The following PCSK5 variants were observed in gnomAD, a reference collection of about 807,000 sequenced individuals.
PCSK5 encodes the protein prohormone convertase 5.
A neutral mutation model predicts 233.2 loss-of-function variants in PCSK5; 129 were observed. The ratio of observed to expected loss-of-function variants is 0.55; its 90% CI spans 0.48 to 0.64. The LOEUF is 0.64. Ranked by LOEUF, PCSK5 falls within the 30% of genes least tolerant of loss-of-function variation. The pLI, the probability that PCSK5 is intolerant of heterozygous loss-of-function variation, is 0.00. For synonymous variants in PCSK5, 825 were observed against 879.2 expected (o/e 0.94, Z 1.09); for missense variants, 2,076 against 2,430.1 (o/e 0.85, Z 3.06).
intron 5 of PCSK5, among the ~76,000 whole-genome samples, chr9:76,036,019 T>C (rs1372024296): frequency 6.6e-6 from 1 of 152,022 alleles, no homozygotes; most frequent in Non-Finnish European, 1.5e-5. Flanking sequence ...CAGAAGAGCA[T>C]GCTGAAAAAA....
intron 24 of PCSK5, among the ~76,000 whole-genome samples, chr9:76,291,788 G>A (rs1828285390): frequency 6.6e-6 from 1 of 152,142 alleles, no homozygotes; most frequent in African/African-American, 2.4e-5. Context: ...TCGAAGGAGT[G>A]CCCCAAATGA....
intron 30 of PCSK5, among the ~76,000 whole-genome samples, chr9:76,320,894 A>C (rs1024784191): frequency 7.9e-5 from 12 of 151,026 alleles, no homozygotes; most frequent in Non-Finnish European, 2.9e-5. Context: ...GGCTCACTGC[A>C]GCCTCTGCCT....
chr9:76,358,708 C>G lies in PCSK5; in HGVS notation c.5450C>G (p.Ser1817Cys). The stretch of plus-strand genomic sequence containing the variant: ...CTGGCCGACCCCAACAAGTCTTACT[C>G]CTCCTATAAGAGCAGCTATAGAGAG... The part of the protein sequence containing the change: ...EKLADPNKSY[S>C]SYKSSYREST... The change falls in exon 38 of 38, where the codon TCC (serine) becomes TGC (cysteine). Residue 1817 changes from serine (S) to cysteine (C), a missense_variant. By Grantham distance (112) the Ser-to-Cys change is moderately radical (BLOSUM62 -1). Coordinates refer to ENST00000674117, the MANE Select transcript of PCSK5 (RefSeq NM_001372043.1). 2 of 1,612,852 alleles carry G rather than the reference C, an allele frequency of 1.2e-6. No individual in the cohort carries two copies. The highest frequency in any genetic ancestry group is 1.7e-6 in the Non-Finnish European group (2 of 1,179,884).
chr9:76,077,848 A>G (rs1830694516), intron 7 of PCSK5, among the ~76,000 whole-genome samples: 1 of 152,168 alleles, frequency 6.6e-6, no homozygotes, highest in Non-Finnish European at 1.5e-5. Flanking sequence ...CACTATTGTG[A>G]ACAGCACTAC....
Position 76,026,946 on chromosome 9 carries a change from C to T in PCSK5, c.556-15C>T, listed in dbSNP as rs757563679. 2 of 1,594,690 alleles carry T rather than the reference C, an allele frequency of 1.3e-6. No homozygotes were observed. The highest frequency in any genetic ancestry group is 1.7e-6 in the Non-Finnish European group (2 of 1,164,476). On this transcript the variant is annotated splice_polypyrimidine_tract_variant and intron_variant, in intron 4 of 37. Transcript: ENST00000674117. ...GTCCATTTCCTTTCCCTTGCTCTCT[C>T]CTCTGTGGCCATAGGATGCTCTGGC...
intron 1 of PCSK5, among the ~76,000 whole-genome samples, chr9:75,917,682 T>C: frequency 6.6e-6 from 1 of 152,218 alleles, no homozygotes; most frequent in East Asian, 1.9e-4. Flanking sequence ...ATTGCACATA[T>C]CTGCTGATAT....
At position 75,955,048 on chromosome 9, in the gene PCSK5, G is replaced by C. The variant is rs764727281; in HGVS notation, c.297+22565G>C. Among the ~76,000 whole-genome samples, 111 of 152,118 alleles carry C rather than the reference G, an allele frequency of 7.3e-4. 4 individuals are homozygous for C. Among genetic ancestry groups the C allele is most frequent in the Middle Eastern group, 6.8e-3 (2 of 294 alleles). On this transcript the variant is annotated intron_variant, in intron 2 of 37. Coordinates refer to ENST00000674117, the MANE Select transcript of PCSK5 (RefSeq NM_001372043.1). The stretch of plus-strand genomic sequence containing the variant: ...AAAAATCTGTGGTTCACATTAATTC[G>C]GACTGCCTATATGAAGGGAAACCTA...
At chr9:76,276,075 C>A (rs1235009960) in intron 24 of PCSK5, among the ~76,000 whole-genome samples, 1 of 152,158 alleles carries the variant, frequency 6.6e-6, no homozygotes, top group African/African-American at 2.4e-5. Flanking sequence ...GCGGAGTAAT[C>A]CCATTCCCTC....
At chr9:75,990,752 C>A (rs1826731863) in intron 3 of PCSK5, among the ~76,000 whole-genome samples, 1 of 152,174 alleles carries the variant, frequency 6.6e-6, no homozygotes, top group African/African-American at 2.4e-5. Flanking sequence ...AGCCTCTGCT[C>A]CCTGGACATT....
intron 1 of PCSK5, among the ~76,000 whole-genome samples, chr9:75,927,618 C>G (rs144797158): frequency 1.3e-5 from 2 of 152,248 alleles, no homozygotes; most frequent in Non-Finnish European, 2.9e-5. Context: ...GCTGCATGCT[C>G]AGGTGAAGCT....
chr9:76,071,426 TACTC>T (rs1426920676), intron 6 of PCSK5, among the ~76,000 whole-genome samples: 2 of 152,122 alleles, frequency 1.3e-5, no homozygotes, highest in Admixed American at 6.5e-5. Context: ...CTTTGTCAAG[TACTC>T]ACTCAAGAGA....
At chr9:76,143,169 C>A (rs1823299217) in intron 10 of PCSK5, among the ~76,000 whole-genome samples, 2 of 151,878 alleles carry the variant, frequency 1.3e-5, no homozygotes, top group Admixed American at 1.3e-4. Flanking sequence ...TAAACAAATG[C>A]CTTCTTTTGT....
chr9:76,159,151 G>T lies in PCSK5; in HGVS notation c.1599G>T (p.Arg533Ser). ...ACCTGACCTCGCCCTCTGGAACTAG[G>T]TCTCAGCTTTTGGCCAACAGGTACA... ...AIYLTSPSGTRSQLLANRLFD... is the reference protein window; with the variant it reads ...AIYLTSPSGTSSQLLANRLFD... The change falls in exon 12 of 38, where the codon AGG (arginine) becomes AGT (serine). Residue 533 changes from arginine (R) to serine (S), a missense_variant. Coordinates refer to ENST00000674117, the MANE Select transcript of PCSK5 (RefSeq NM_001372043.1). 1 of 1,614,090 alleles carries T rather than the reference G, an allele frequency of 6.2e-7. No individual in the cohort carries two copies.
At chr9:76,196,293 GAGGT>G (rs1391309178) in intron 20 of PCSK5, among the ~76,000 whole-genome samples, 3 of 152,234 alleles carry the variant, frequency 2.0e-5, no homozygotes, top group Non-Finnish European at 4.4e-5. Flanking sequence ...TGGGGGCAAG[GAGGT>G]AGGCAGTGTA....
At chr9:75,926,709 G>A (rs1312549849) in intron 1 of PCSK5, among the ~76,000 whole-genome samples, 4 of 152,092 alleles carry the variant, frequency 2.6e-5, no homozygotes, top group Non-Finnish European at 5.9e-5. Context: ...ACGTTTTTGT[G>A]TTAACATATT....
chr9:76,295,145 C>T (rs1254542862), intron 25 of PCSK5, 130 bp from the exon 26 acceptor site: 3 of 788,502 alleles, frequency 3.8e-6, no homozygotes, highest in Middle Eastern at 3.7e-4. Context: ...AAGAGCAAAA[C>T]TCCATCTCAA....
intron 9 of PCSK5, among the ~76,000 whole-genome samples, chr9:76,116,575 A>G (rs1587648072): frequency 6.7e-6 from 1 of 150,196 alleles, no homozygotes; most frequent in East Asian, 1.9e-4. Context: ...TGCATAGTGC[A>G]AAAAGATAAA....
At position 76,218,153 on chromosome 9, in the gene PCSK5, A is replaced by T. The variant is rs148027896; in HGVS notation, c.2627-9350A>T. ...GAAAAGCCCCATCTGATGGAGATTCACCTATTTCTGACCGACTTTGACCTC... is the reference window on the plus strand; with the variant it reads ...GAAAAGCCCCATCTGATGGAGATTCTCCTATTTCTGACCGACTTTGACCTC... On this transcript the variant is annotated intron_variant, in intron 20 of 37. Transcript: ENST00000674117. Among the ~76,000 whole-genome samples, 1,353 of 152,216 alleles carry T rather than the reference A, an allele frequency of 8.9e-3. 15 individuals carry two copies. Among genetic ancestry groups the T allele is most frequent in the African/African-American group, 0.031 (1,292 of 41,532 alleles).
chr9:76,128,018 T>C (rs764750059), intron 9 of PCSK5, among the ~76,000 whole-genome samples: 1 of 152,154 alleles, frequency 6.6e-6, no homozygotes, highest in African/African-American at 2.4e-5. Context: ...CAAAACAAAA[T>C]TTATTATTAT....
Sources: allele counts gnomAD v4.1 joint callset (sites outside exome capture counted in the v4.1 genomes callset), GRCh38; gene constraint gnomAD v4.1.1; transcripts MANE v1.5; gene names NCBI Gene and HGNC (gene_info 2026-07-23, HGNC 2026-07-21).